The following RFX3 variants were observed in gnomAD, a reference collection of about 807,000 sequenced individuals.
The protein encoded by RFX3 is transcription factor RFX3.
RFX3 carries 14 observed loss-of-function variants against 98.6 expected under a neutral mutation model. The observed-to-expected ratio is 0.14, with a 90% CI of 0.09 to 0.22. The LOEUF is 0.22. Among genes scored for constraint, RFX3 ranks in the 10% least tolerant of loss-of-function variants. The pLI, the probability that RFX3 is intolerant of heterozygous loss-of-function variation, is 1.00. For synonymous variants in RFX3, 383 were observed against 328.4 expected (o/e 1.17, Z -1.80); for missense variants, 639 against 926.9 (o/e 0.69, Z 4.03).
intron 4 of RFX3, among the ~76,000 whole-genome samples, chr9:3,315,509 G>A (rs1196598880): frequency 2.0e-5 from 3 of 152,078 alleles, no homozygotes; most frequent in African/African-American, 7.2e-5. Flanking sequence ...CAGAAGGCAA[G>A]AAATAACTAA....
chr9:3,234,616 G>T (rs1240578015), intron 15 of RFX3, among the ~76,000 whole-genome samples: 1 of 152,108 alleles, frequency 6.6e-6, no homozygotes, highest in Non-Finnish European at 1.5e-5. Flanking sequence ...TCCAGCCTGG[G>T]TGACAGAGCA....
chr9:3,448,567 C>A (rs528205609), intron 1 of RFX3, among the ~76,000 whole-genome samples: 1 of 152,108 alleles, frequency 6.6e-6, no homozygotes, highest in Non-Finnish European at 1.5e-5. Flanking sequence ...GGCTAGACTG[C>A]GGTGGCGCCA....
At chr9:3,432,887 G>T (rs571649771) in intron 1 of RFX3, among the ~76,000 whole-genome samples, 1 of 152,258 alleles carries the variant, frequency 6.6e-6, no homozygotes, top group East Asian at 1.9e-4. Flanking sequence ...GTACTGTAAA[G>T]AAACATTTTT....
At chr9:3,441,547 CA>C (rs951616703) in intron 1 of RFX3, among the ~76,000 whole-genome samples, 3 of 151,900 alleles carry the variant, frequency 2.0e-5, no homozygotes, top group East Asian at 1.9e-4. Context: ...CTTGTAGTAT[CA>C]AAAAATAAAA....
intron 1 of RFX3, among the ~76,000 whole-genome samples, chr9:3,454,316 T>C (rs780043436): frequency 6.6e-6 from 1 of 152,228 alleles, no homozygotes; most frequent in Non-Finnish European, 1.5e-5. Flanking sequence ...AATACATGTA[T>C]ATCTCCATGT....
chr9:3,292,873 G>GT (rs879886510), intron 6 of RFX3, among the ~76,000 whole-genome samples: 40 of 152,218 alleles, frequency 2.6e-4, no homozygotes, highest in Admixed American at 2.5e-3. Context: ...CTCAGTTCAT[G>GT]TTTTAGACAA....
chr9:3,342,408 A>G (rs1411638835), intron 3 of RFX3, among the ~76,000 whole-genome samples: 1 of 152,194 alleles, frequency 6.6e-6, no homozygotes, highest in African/African-American at 2.4e-5. Flanking sequence ...GAGTTGAGAA[A>G]TCTATAATCT....
chr9:3,374,442 G>T (rs1358871448), intron 2 of RFX3, among the ~76,000 whole-genome samples: 1 of 148,590 alleles, frequency 6.7e-6, no homozygotes, highest in African/African-American at 2.6e-5. Context: ...CAAGGGCAGG[G>T]CCAAAAGGTG....
At chr9:3,521,753 T>C (rs1306963625) in intron 1 of RFX3, among the ~76,000 whole-genome samples, 2 of 152,152 alleles carry the variant, frequency 1.3e-5, no homozygotes, top group African/African-American at 2.4e-5. Flanking sequence ...CAACACCTAT[T>C]TCCAACATAT....
intron 2 of RFX3, among the ~76,000 whole-genome samples, chr9:3,379,183 G>T (rs1838903957): frequency 6.6e-6 from 1 of 152,110 alleles, no homozygotes; most frequent in Admixed American, 6.5e-5. Flanking sequence ...ACAGTTTTGG[G>T]GAGAGACACT....
At chr9:3,518,166 G>A (rs1818358442) in intron 1 of RFX3, among the ~76,000 whole-genome samples, 1 of 152,096 alleles carries the variant, frequency 6.6e-6, no homozygotes, top group African/African-American at 2.4e-5. Flanking sequence ...TGTGTGTTGG[G>A]TACACTCTAT....
intron 2 of RFX3, among the ~76,000 whole-genome samples, chr9:3,350,043 T>C (rs1834919592): frequency 6.6e-6 from 1 of 152,134 alleles, no homozygotes; most frequent in Non-Finnish European, 1.5e-5. Flanking sequence ...GTAGAAAATC[T>C]AGATAACCTT....
intron 3 of RFX3, among the ~76,000 whole-genome samples, chr9:3,345,087 G>A (rs947229513): frequency 1.3e-5 from 2 of 152,138 alleles, no homozygotes; most frequent in Admixed American, 1.3e-4. Flanking sequence ...ACAGTACAAT[G>A]CTGTAAGTAA....
intron 15 of RFX3, among the ~76,000 whole-genome samples, chr9:3,237,180 T>G (rs1479462886): frequency 6.6e-6 from 1 of 152,228 alleles, no homozygotes; most frequent in Non-Finnish European, 1.5e-5. Flanking sequence ...ATGCTTCTTC[T>G]CTAATGTTCC....
intron 5 of RFX3, among the ~76,000 whole-genome samples, chr9:3,300,158 A>G (rs565135468): frequency 6.6e-6 from 1 of 151,930 alleles, no homozygotes; most frequent in East Asian, 1.9e-4. Flanking sequence ...ATGCAATCAC[A>G]GATACATGCC....
chr9:3,525,925 A>G lies in RFX3; in HGVS notation c.-187T>C, dbSNP rs1819235275. The G allele has an allele frequency of 8.2e-6, 8 of 976,138 alleles. No homozygotes were observed. The highest frequency in any genetic ancestry group is 9.7e-6 in the Non-Finnish European group (8 of 822,810). The allele number at this position is 976,138 out of a possible 1,614,324, so 60.5% of individuals were successfully genotyped here. On this transcript the variant is annotated 5_prime_UTR_variant, in exon 1 of 17. Coordinates refer to ENST00000617270, the MANE Select transcript of RFX3 (RefSeq NM_001282116.2). ...AAGGCAACGGTTGCTATAACTCACA[A>G]AAGAGAGAGAGAGAGGGAGAGAGAG...
chr9:3,229,836 T>A (rs905991472), intron 15 of RFX3, among the ~76,000 whole-genome samples: 1 of 152,166 alleles, frequency 6.6e-6, no homozygotes, highest in African/African-American at 2.4e-5. Context: ...GATAGGAGTA[T>A]TTTTTTCATC....
At chr9:3,260,055 A>G (rs1260927589) in intron 13 of RFX3, among the ~76,000 whole-genome samples, 1 of 152,026 alleles carries the variant, frequency 6.6e-6, no homozygotes, top group African/African-American at 2.4e-5. Flanking sequence ...AGGAAAAGAA[A>G]AGGAAAGAAA....
At position 3,486,206 on chromosome 9, in the gene RFX3, A is replaced by AT. The variant is rs1399972664; in HGVS notation, c.-9+39540dup. ...TTACTAACTATTCTGGTCTTAAAAG[A>AT]TTTTTGTGGGGTATGACCTACCAAA... On this transcript the variant is annotated intron_variant, in intron 1 of 16. Transcript: ENST00000617270. 2.6e-5 allele frequency among the ~76,000 whole-genome samples: 4 copies of AT among 151,186 alleles called. No individual in the cohort carries two copies. In the East Asian group the frequency reaches 5.9e-4, roughly 22 times the overall value.
Sources: allele counts gnomAD v4.1 joint callset (sites outside exome capture counted in the v4.1 genomes callset), GRCh38; gene constraint gnomAD v4.1.1; transcripts MANE v1.5; gene names NCBI Gene and HGNC (gene_info 2026-07-23, HGNC 2026-07-21).